The following PIP4K2A variants were observed in gnomAD, a reference collection of about 807,000 sequenced individuals.
The protein encoded by PIP4K2A is phosphatidylinositol 5-phosphate 4-kinase type-2 alpha.
In PIP4K2A, 14 loss-of-function variants were observed where a neutral mutation model predicts 42.9. That is an observed-to-expected ratio of 0.33 (90% CI 0.22 to 0.51). The LOEUF is 0.51. PIP4K2A is among the 20% of genes least tolerant of loss of function. The pLI, the probability that PIP4K2A is intolerant of heterozygous loss-of-function variation, is 0.97. For missense variants in PIP4K2A, 434 were observed against 519.8 expected, an observed-to-expected ratio of 0.83 and a Z score of 1.61; for synonymous variants, 192 against 192.2, an observed-to-expected ratio of 1.00 and a Z score of 0.01.
chr10:22,547,481 C>T (rs1836285706), intron 7 of PIP4K2A, among the ~76,000 whole-genome samples: 1 of 152,186 alleles, frequency 6.6e-6, no homozygotes, highest in African/African-American at 2.4e-5. Flanking sequence ...GGACCACTGT[C>T]AAGGGGCTGT....
At chr10:22,616,873 G>C (rs1049883551) in intron 1 of PIP4K2A, among the ~76,000 whole-genome samples, 1 of 152,072 alleles carries the variant, frequency 6.6e-6, no homozygotes. Flanking sequence ...TTTTAAAAAA[G>C]GGAAAATAAA....
intron 3 of PIP4K2A, among the ~76,000 whole-genome samples, chr10:22,595,976 C>T (rs976935941): frequency 2.0e-5 from 3 of 151,856 alleles, no homozygotes; most frequent in South Asian, 2.1e-4. Context: ...GAGGCCAAGG[C>T]GGGCAGATCA....
At chr10:22,625,292 T>C (rs1838415128) in intron 1 of PIP4K2A, among the ~76,000 whole-genome samples, 1 of 152,266 alleles carries the variant, frequency 6.6e-6, no homozygotes, top group African/African-American at 2.4e-5. Flanking sequence ...AAATTAGTTT[T>C]ACTGCTTTCA....
chr10:22,647,101 G>A (rs927605374), intron 1 of PIP4K2A, among the ~76,000 whole-genome samples: 3 of 152,178 alleles, frequency 2.0e-5, no homozygotes, highest in Non-Finnish European at 2.9e-5. Context: ...CTTTTTAAAT[G>A]AGGCTTTATT....
intron 8 of PIP4K2A, 152 bp downstream of exon 8, chr10:22,541,652 A>G: frequency 2.3e-6 from 2 of 873,196 alleles, no homozygotes; most frequent in South Asian, 2.2e-5. Context: ...TAGCTTTAAC[A>G]TACTCTTGTC....
At chr10:22,635,184 C>T (rs1838636570) in intron 1 of PIP4K2A, among the ~76,000 whole-genome samples, 1 of 152,076 alleles carries the variant, frequency 6.6e-6, no homozygotes, top group Non-Finnish European at 1.5e-5. Flanking sequence ...TATCATTATA[C>T]ACTTGCCAAA....
chr10:22,684,682 A>T (rs1839726490), intron 1 of PIP4K2A, among the ~76,000 whole-genome samples: 1 of 152,168 alleles, frequency 6.6e-6, no homozygotes, highest in South Asian at 2.1e-4. Context: ...GGTCTATAGG[A>T]TGCCACCCAC....
Position 22,713,592 on chromosome 10 carries a change from T to C in PIP4K2A, c.144+591A>G, listed in dbSNP as rs978408656. On this transcript the variant is annotated intron_variant, in intron 1 of 9. Coordinates refer to ENST00000376573, the MANE Select transcript of PIP4K2A (RefSeq NM_005028.5). ...GCTGCTTTGCCAAAAAGCCGACTTG[T>C]GCCCAGTAATATTGCCTTTAAAGGA... 2.6e-5 allele frequency among the ~76,000 whole-genome samples: 4 copies of C among 152,226 alleles called. No homozygotes were observed. In the South Asian group the frequency reaches 8.3e-4, roughly 32 times the overall value.
intron 1 of PIP4K2A, among the ~76,000 whole-genome samples, chr10:22,661,205 C>T (rs1447917353): frequency 6.6e-6 from 1 of 152,184 alleles, no homozygotes; most frequent in Non-Finnish European, 1.5e-5. Context: ...CACAGTGTGA[C>T]AAAAACCACT....
chr10:22,535,450 A>T lies in PIP4K2A; in HGVS notation c.*1751T>A, dbSNP rs1245126295. The stretch of plus-strand genomic sequence containing the variant: ...CGGAGGGCACGACTGCTGGCTTCCA[A>T]AGACTCTGTGAACTAGATCCACATA... On this transcript the variant is annotated 3_prime_UTR_variant, in exon 10 of 10. Transcript: ENST00000376573. 1 of 152,266 alleles carries T rather than the reference A, an allele frequency of 6.6e-6. No homozygotes were observed. Among genetic ancestry groups the T allele is most frequent in the Non-Finnish European group, 1.5e-5 (1 of 68,060 alleles). 9.4% of individuals were successfully genotyped at this position (152,266 alleles called of 1,614,324 possible).
intron 1 of PIP4K2A, among the ~76,000 whole-genome samples, chr10:22,631,646 A>G (rs1838552436): frequency 6.6e-6 from 1 of 152,200 alleles, no homozygotes; most frequent in African/African-American, 2.4e-5. Flanking sequence ...GTTCTATGGA[A>G]GAAGAGGAAA....
intron 3 of PIP4K2A, among the ~76,000 whole-genome samples, chr10:22,597,790 G>T (rs376974294): frequency 6.6e-6 from 1 of 151,510 alleles, no homozygotes; most frequent in African/African-American, 2.4e-5. Flanking sequence ...TAATTTAAAA[G>T]GGCAAATCTG....
chr10:22,659,580 G>A lies in PIP4K2A; in HGVS notation c.145-49863C>T, dbSNP rs189872613. ...GGTCTGGGGTCATTGAGACATTAATGCTCCGTAGAGCAGATCGATAGGAAC... is the reference window on the plus strand; with the variant it reads ...GGTCTGGGGTCATTGAGACATTAATACTCCGTAGAGCAGATCGATAGGAAC... On this transcript the variant is annotated intron_variant, in intron 1 of 9. Transcript: ENST00000376573. 8 of 152,342 alleles carry A rather than the reference G, an allele frequency of 5.3e-5. No individual in the cohort carries two copies. In the East Asian group the frequency reaches 1.5e-3, roughly 29 times the overall value. The allele number at this position is 152,342 out of a possible 1,614,324, so 9.4% of individuals were successfully genotyped here.
At chr10:22,576,100 C>G (rs944933107) in intron 4 of PIP4K2A, among the ~76,000 whole-genome samples, 10 of 152,114 alleles carry the variant, frequency 6.6e-5, no homozygotes, top group Admixed American at 6.5e-4. Flanking sequence ...CAAAGTTTAT[C>G]TATTAGATTC....
intron 1 of PIP4K2A, among the ~76,000 whole-genome samples, chr10:22,622,217 G>A (rs1838346669): frequency 6.6e-6 from 1 of 152,238 alleles, no homozygotes; most frequent in African/African-American, 2.4e-5. Context: ...AGGAGACAAA[G>A]CTGCTACCTC....
chr10:22,569,098 A>G (rs1183520841), intron 5 of PIP4K2A: 26 of 1,413,366 alleles, frequency 1.8e-5, no homozygotes, highest in Non-Finnish European at 2.4e-5. Flanking sequence ...TTCATCGAGC[A>G]GCTCAGGCAT....
chr10:22,705,545 C>T (rs902588162), intron 1 of PIP4K2A, among the ~76,000 whole-genome samples: 8 of 151,080 alleles, frequency 5.3e-5, no homozygotes, highest in Admixed American at 4.0e-4. Flanking sequence ...ACCAGCTTGG[C>T]CCCCTCCCAC....
chr10:22,550,431 G>A (rs115001136), intron 7 of PIP4K2A, among the ~76,000 whole-genome samples: 1,750 of 152,274 alleles, frequency 0.011, 37 homozygotes, highest in African/African-American at 0.04. Context: ...ATGACAGCAG[G>A]TGCTTTCTTG....
intron 1 of PIP4K2A, among the ~76,000 whole-genome samples, chr10:22,647,080 A>T (rs546964011): frequency 3.5e-4 from 53 of 152,288 alleles, no homozygotes; most frequent in African/African-American, 1.2e-3. Context: ...TCAAAGAAAG[A>T]TGGAAAGCTG....
Sources: gnomAD v4.1 joint callset for allele counts (sites outside exome capture counted in the v4.1 genomes callset) on GRCh38, gnomAD v4.1.1 for gene constraint, MANE v1.5 for transcripts, NCBI Gene and HGNC (gene_info 2026-07-23, HGNC 2026-07-21) for gene names.